ZSCAN25: variants seen among roughly 807,000 people sequenced by gnomAD.
The protein encoded by ZSCAN25 is zinc finger and SCAN domain-containing protein 25.
ZSCAN25 carries 27 observed loss-of-function variants against 38.7 expected under a neutral mutation model. That is an observed-to-expected ratio of 0.70 (90% CI 0.51 to 0.96). ZSCAN25 has a LOEUF of 0.96. Among genes scored for constraint, ZSCAN25 ranks in the 40% least tolerant of loss-of-function variants. The probability of loss-of-function intolerance (pLI) is 0.00; values close to 1 mark genes in which losing one functional copy is unlikely to be tolerated. For missense variants in ZSCAN25, 637 were observed against 705.9 expected (o/e 0.90, Z 1.11); for synonymous variants, 273 against 277.7 (o/e 0.98, Z 0.17).
chr7:99,643,591 G>A, the ZSCAN25 span, among the ~76,000 whole-genome samples: 1 of 151,836 alleles, frequency 6.6e-6, no homozygotes, highest in East Asian at 1.9e-4. Flanking sequence ...TGGTTTTATG[G>A]CCAGAGACCC....
chr7:99,679,886 A>T, the ZSCAN25 span: 1 of 1,614,022 alleles, frequency 6.2e-7, no homozygotes, highest in Middle Eastern at 1.7e-4. Flanking sequence ...CAAATTTGGG[A>T]TGAGGTCCAT....
chr7:99,631,879 C>T lies in ZSCAN25; in HGVS notation c.*1859C>T. The stretch of plus-strand genomic sequence containing the variant: ...TGCTCCTCTGTAATACTGAGGTCCA[C>T]ATGCAAAATCAGCTTTTTTTCCCCC... On this transcript the variant is annotated 3_prime_UTR_variant, in exon 8 of 8. Coordinates refer to ENST00000394152, the MANE Select transcript of ZSCAN25 (RefSeq NM_145115.3). 3.0e-6 allele frequency: 3 copies of T among 985,516 alleles called. No homozygotes were observed. The highest frequency in any genetic ancestry group is 3.6e-6 in the Non-Finnish European group (3 of 830,014). 61.0% of individuals were successfully genotyped at this position (985,516 alleles called of 1,614,324 possible).
downstream of ZSCAN25, among the ~76,000 whole-genome samples, chr7:99,632,986 G>GTTTTTTTTTTTTTTGTTTTTTT (rs201141594): frequency 3.5e-5 from 5 of 141,540 alleles, no homozygotes; most frequent in South Asian, 7.3e-4. Context: ...TGCATTTTCT[G>GTTTTTTTTTTTTTTGTTTTTTT]TTGTTTTTTT....
At chr7:99,715,530 C>T in the ZSCAN25 span, 131 of 665,686 alleles carry the variant, frequency 2.0e-4, no homozygotes, top group East Asian at 2.2e-3. Context: ...TGGTTATATA[C>T]GACAACAGGA....
the ZSCAN25 span, among the ~76,000 whole-genome samples, chr7:99,708,717 T>C: frequency 6.6e-6 from 1 of 152,168 alleles, no homozygotes; most frequent in Non-Finnish European, 1.5e-5. Flanking sequence ...GGAAAAAATA[T>C]TCATTTGTGG....
chr7:99,695,763 T>C, the ZSCAN25 span: 183 of 1,613,494 alleles, frequency 1.1e-4, no homozygotes, highest in Non-Finnish European at 1.4e-4. Flanking sequence ...TAGGACAAAG[T>C]AGTTCCCAAA....
the ZSCAN25 span, among the ~76,000 whole-genome samples, chr7:99,677,488 A>G: frequency 6.6e-6 from 1 of 152,364 alleles, no homozygotes; most frequent in African/African-American, 2.4e-5. Flanking sequence ...AAGTAATGAT[A>G]AAACGTCCCG....
chr7:99,682,588 A>G, the ZSCAN25 span, among the ~76,000 whole-genome samples: 418 of 151,524 alleles, frequency 2.8e-3, 3 homozygotes, highest in Non-Finnish European at 5.2e-3. Flanking sequence ...TTTTTGCTGA[A>G]GGTAGCTTTC....
chr7:99,685,421 A>G, the ZSCAN25 span, among the ~76,000 whole-genome samples: 2 of 152,360 alleles, frequency 1.3e-5, no homozygotes, highest in African/African-American at 4.8e-5. Context: ...GGAGGATTTC[A>G]TATCAGTTTT....
the ZSCAN25 span, chr7:99,671,764 A>G: frequency 8.6e-6 from 6 of 701,380 alleles, no homozygotes; most frequent in Non-Finnish European, 1.3e-5. Flanking sequence ...TTGCTCTGAT[A>G]TAGAACCTGT....
chr7:99,651,961 G>A, the ZSCAN25 span, among the ~76,000 whole-genome samples: 2 of 152,114 alleles, frequency 1.3e-5, no homozygotes, highest in Middle Eastern at 3.2e-3. Flanking sequence ...GACTTCTCAG[G>A]ACCTCAGCCT....
At chr7:99,641,635 C>G in the ZSCAN25 span, among the ~76,000 whole-genome samples, 5 of 152,184 alleles carry the variant, frequency 3.3e-5, no homozygotes, top group Non-Finnish European at 7.3e-5. Context: ...TCATTCTCCT[C>G]CCACCATCCA....
the ZSCAN25 span, among the ~76,000 whole-genome samples, chr7:99,654,612 G>A: frequency 6.6e-6 from 1 of 152,164 alleles, no homozygotes; most frequent in East Asian, 1.9e-4. Flanking sequence ...TGGGATGGCT[G>A]GGTCAAATGG....
chr7:99,645,132 A>T, the ZSCAN25 span, among the ~76,000 whole-genome samples: 1 of 152,202 alleles, frequency 6.6e-6, no homozygotes. Context: ...CTGAGATTAC[A>T]GGTGAGTGCC....
the ZSCAN25 span, chr7:99,717,293 A>G: frequency 6.2e-7 from 1 of 1,613,780 alleles, no homozygotes; most frequent in Non-Finnish European, 8.5e-7. Flanking sequence ...CACCACCCAT[A>G]GTTAAATGTG....
At chr7:99,679,346 G>C in the ZSCAN25 span, among the ~76,000 whole-genome samples, 1 of 152,096 alleles carries the variant, frequency 6.6e-6, no homozygotes, top group East Asian at 1.9e-4. Flanking sequence ...CGGGGGAGCA[G>C]GAACCAGGTC....
At chr7:99,725,122 G>A in the ZSCAN25 span, among the ~76,000 whole-genome samples, 1 of 152,066 alleles carries the variant, frequency 6.6e-6, no homozygotes, top group Non-Finnish European at 1.5e-5. Context: ...CAGCATACAA[G>A]GCTGTTAATT....
At chr7:99,651,157 C>T in the ZSCAN25 span, among the ~76,000 whole-genome samples, 4 of 152,074 alleles carry the variant, frequency 2.6e-5, no homozygotes, top group Non-Finnish European at 5.9e-5. Flanking sequence ...GGATTGATGG[C>T]TGTTGGAACC....
At chr7:99,694,067 T>G in the ZSCAN25 span, among the ~76,000 whole-genome samples, 1 of 152,216 alleles carries the variant, frequency 6.6e-6, no homozygotes, top group Non-Finnish European at 1.5e-5. Flanking sequence ...TGACTTATCA[T>G]TGTGTGTAAA....
Sources: gnomAD v4.1 joint callset for allele counts (sites outside exome capture counted in the v4.1 genomes callset) on GRCh38, gnomAD v4.1.1 for gene constraint, MANE v1.5 for transcripts, NCBI Gene and HGNC (gene_info 2026-07-23, HGNC 2026-07-21) for gene names.